Variants in CATSPERE observed in about 807,000 individuals in gnomAD.
The protein encoded by CATSPERE is catsper channel auxiliary subunit epsilon, also known as cation channel sperm-associated auxiliary subunit epsilon.
In CATSPERE, 93 loss-of-function variants were observed where a neutral mutation model predicts 114.1. The observed-to-expected ratio is 0.81, with a 90% CI of 0.69 to 0.97. The LOEUF is 0.97. CATSPERE is among the 50% of genes least tolerant of loss of function. CATSPERE has a pLI of 0.00. For synonymous variants in CATSPERE, 341 were observed against 384.1 expected (o/e 0.89, Z 1.31); for missense variants, 1,058 against 1,131.6 (o/e 0.93, Z 0.93).
At chr1:244,479,568 A>G (rs1243884059) in intron 4 of CATSPERE, 149 bp from the exon 5 acceptor site, 18 of 341,400 alleles carry the variant, frequency 5.3e-5, no homozygotes, top group Admixed American at 2.4e-4. Context: ...AAATATTTAA[A>G]TATATATTTA....
At chr1:244,578,281 T>C (rs1665592939) in intron 11 of CATSPERE, among the ~76,000 whole-genome samples, 1 of 152,174 alleles carries the variant, frequency 6.6e-6, no homozygotes, top group African/African-American at 2.4e-5. Context: ...GCCTCCCTAG[T>C]AGCTGAGACT....
intron 20 of CATSPERE, among the ~76,000 whole-genome samples, chr1:244,625,649 G>C (rs745374949): frequency 6.7e-6 from 1 of 149,830 alleles, no homozygotes; most frequent in East Asian, 2.0e-4. Context: ...GGATGGTCTC[G>C]ATCTCTTGAC....
At chr1:244,532,936 T>G (rs892096892) in intron 8 of CATSPERE, among the ~76,000 whole-genome samples, 2 of 152,140 alleles carry the variant, frequency 1.3e-5, no homozygotes, top group African/African-American at 2.4e-5. Context: ...ATCTGTCCCA[T>G]GTTAAAAGTG....
intron 19 of CATSPERE, among the ~76,000 whole-genome samples, chr1:244,612,196 C>A (rs148729402): frequency 1.3e-5 from 2 of 152,168 alleles, no homozygotes; most frequent in African/African-American, 4.8e-5. Context: ...CAGGTACCTG[C>A]AAAGACTAGT....
At chr1:244,451,550 T>C (rs1665603534), upstream of CATSPERE, 2 of 1,429,270 alleles carry the variant, frequency 1.4e-6, no homozygotes, top group South Asian at 2.7e-5. This position sits in a 1 kb window ranked among gnomAD's most constrained non-coding sequence, Gnocchi z 6.6. Flanking sequence ...TGGATCCGGG[T>C]TCTGGGTCCG....
chr1:244,495,581 C>T (rs968333826), intron 6 of CATSPERE, among the ~76,000 whole-genome samples: 8 of 152,040 alleles, frequency 5.3e-5, no homozygotes, highest in Non-Finnish European at 1.2e-4. Context: ...ATTATTTCAG[C>T]ATGGTGGTGC....
chr1:244,541,922 C>T (rs1424391601), intron 8 of CATSPERE, among the ~76,000 whole-genome samples: 1 of 141,378 alleles, frequency 7.1e-6, no homozygotes, highest in Non-Finnish European at 1.5e-5. Flanking sequence ...AAACCAAACA[C>T]CGCATATTCT....
chr1:244,461,144 G>T (rs925247007), upstream of CATSPERE, among the ~76,000 whole-genome samples: 4 of 150,424 alleles, frequency 2.7e-5, no homozygotes, highest in African/African-American at 7.4e-5. Flanking sequence ...CAGATTTTTC[G>T]AAGTGTTTTT....
At chr1:244,636,110 A>G (rs1674601890) in intron 21 of CATSPERE, among the ~76,000 whole-genome samples, 2 of 152,214 alleles carry the variant, frequency 1.3e-5, no homozygotes, top group African/African-American at 4.8e-5. Flanking sequence ...AGCCTGGGTC[A>G]GCTTTCAACC....
intron 6 of CATSPERE, among the ~76,000 whole-genome samples, chr1:244,491,490 C>A (rs945011435): frequency 1.3e-5 from 2 of 151,848 alleles, no homozygotes; most frequent in Non-Finnish European, 2.9e-5. Context: ...CAAGAGAAAG[C>A]AGGAAAGATC....
In CATSPERE at chr1:244,501,575, G is replaced by A. The variant is rs370652350; in HGVS notation, c.429+2496G>A. Among the ~76,000 whole-genome samples, 242 of 152,244 alleles carry A rather than the reference G, an allele frequency of 1.6e-3. 6 individuals carry two copies. The South Asian group carries it at 0.047, about 30-fold the overall frequency. ...AAGGATTGATAAATCAGAAGGATACGCAACCAATTGTTTCATCTGGTAATC... is the reference window on the plus strand; with the variant it reads ...AAGGATTGATAAATCAGAAGGATACACAACCAATTGTTTCATCTGGTAATC... On this transcript the variant is annotated intron_variant, in intron 7 of 21. Coordinates refer to ENST00000366534, the MANE Select transcript of CATSPERE (RefSeq NM_001130957.2).
At chr1:244,458,769 A>C (rs1211508875), upstream of CATSPERE, among the ~76,000 whole-genome samples, 1 of 152,244 alleles carries the variant, frequency 6.6e-6, no homozygotes, top group Non-Finnish European at 1.5e-5. Context: ...AGTTAATTGC[A>C]TAAGTGCAGT....
At chr1:244,614,103 C>T (rs760732123) in intron 19 of CATSPERE, among the ~76,000 whole-genome samples, 36 of 152,182 alleles carry the variant, frequency 2.4e-4, no homozygotes, top group Non-Finnish European at 3.7e-4. Flanking sequence ...ACTTCTCAGC[C>T]TCCTTGGAAA....
chr1:244,578,736 C>T (rs1002198971), intron 11 of CATSPERE, among the ~76,000 whole-genome samples: 8 of 146,892 alleles, frequency 5.4e-5, no homozygotes, highest in Non-Finnish European at 9.0e-5. Context: ...TATACACACA[C>T]ATATATATAT....
Position 244,560,840 on chromosome 1 carries a change from T to C in CATSPERE, c.1202T>C (p.Leu401Pro). 6.2e-7 allele frequency: 1 copy of C among 1,614,124 alleles called. No individual in the cohort carries two copies. Among genetic ancestry groups the C allele is most frequent in the Admixed American group, 1.7e-5 (1 of 60,012 alleles). The change falls in exon 10 of 22, where the codon CTG becomes CCG. Residue 401 changes from leucine to proline, a missense_variant. Around this residue, in one of 2 missense-constraint regions of CATSPERE, gnomAD observed 787 missense variants for 905.6 expected, o/e 0.87. Transcript: ENST00000366534. ...AGGGTTGAGTATACAGGACACCCTC[T>C]GGAGATTGCTGTGTTTTTAAATTAT... ...IDRVEYTGHP[L>P]EIAVFLNYCT...
At chr1:244,609,394 G>A (rs1365087980) in intron 18 of CATSPERE, among the ~76,000 whole-genome samples, 2 of 150,286 alleles carry the variant, frequency 1.3e-5, no homozygotes, top group Admixed American at 6.6e-5. Context: ...TCTGTCGCCC[G>A]GTCTGGAGTG....
intron 10 of CATSPERE, among the ~76,000 whole-genome samples, chr1:244,563,924 T>G (rs867810457): frequency 1.3e-5 from 2 of 151,726 alleles, no homozygotes; most frequent in South Asian, 4.1e-4. Context: ...ATCTTAATTT[T>G]TGTATAAGGT....
At chr1:244,471,965 T>C (rs1668541425) in intron 2 of CATSPERE, among the ~76,000 whole-genome samples, 2 of 152,170 alleles carry the variant, frequency 1.3e-5, no homozygotes, top group Non-Finnish European at 2.9e-5. Context: ...TTCTTCTTTT[T>C]CTTTTCTTTT....
At chr1:244,467,215 G>T (rs1023617252) in intron 2 of CATSPERE, among the ~76,000 whole-genome samples, 3 of 152,050 alleles carry the variant, frequency 2.0e-5, no homozygotes, top group African/African-American at 4.8e-5. Context: ...TTTATAATTT[G>T]AACCAGGCCC....
Sources: gnomAD v4.1 joint callset for allele counts (sites outside exome capture counted in the v4.1 genomes callset) on GRCh38, gnomAD v4.1.1 for gene constraint, gnomAD v4.1.1 regional missense constraint, Gnocchi (gnomAD v3.1) non-coding constraint, MANE v1.5 for transcripts, NCBI Gene and HGNC (gene_info 2026-07-23, HGNC 2026-07-21) for gene names.